The following RGS6 variants were observed in gnomAD, a reference collection of about 807,000 sequenced individuals.
RGS6 encodes regulator of G protein signaling 6.
In RGS6, 30 loss-of-function variants were observed where a neutral mutation model predicts 78.5. The ratio of observed to expected loss-of-function variants is 0.38; its 90% confidence interval spans 0.29 to 0.52. The LOEUF (loss-of-function observed/expected upper bound fraction) is 0.52. Ranked by LOEUF, RGS6 falls within the 20% of genes least tolerant of loss-of-function variation. The probability of loss-of-function intolerance (pLI) is 0.85; values close to 1 mark genes in which losing one functional copy is unlikely to be tolerated. For missense variants in RGS6, 495 were observed against 609.7 expected, an observed-to-expected ratio of 0.81 and a Z score of 1.98; for synonymous variants, 206 against 206.0, an observed-to-expected ratio of 1.00 and a Z score of 0.00.
the RGS6 span, among the ~76,000 whole-genome samples, chr14:72,619,059 C>T: frequency 6.6e-6 from 1 of 152,194 alleles, no homozygotes; most frequent in Admixed American, 6.5e-5. Context: ...GAGGTGTTCT[C>T]CCAAAGTGCA....
intron 2 of RGS6, among the ~76,000 whole-genome samples, chr14:72,283,998 G>A (rs1190212628): frequency 6.6e-6 from 1 of 152,216 alleles, no homozygotes; most frequent in African/African-American, 2.4e-5. Context: ...TTTTAGCAAA[G>A]AGACTGGTGG....
chr14:71,930,743 G>A (rs765383164), upstream of RGS6, among the ~76,000 whole-genome samples: 1 of 151,802 alleles, frequency 6.6e-6, no homozygotes, highest in Non-Finnish European at 1.5e-5. Context: ...AGCACTTTGG[G>A]TGGCCAAGGC....
chr14:72,299,469 A>G (rs750351722), intron 2 of RGS6, among the ~76,000 whole-genome samples: 2 of 152,246 alleles, frequency 1.3e-5, no homozygotes, highest in Non-Finnish European at 2.9e-5. Flanking sequence ...GTGAACACAC[A>G]TTTTTATTTC....
chr14:72,188,436 A>G (rs1318418971), intron 2 of RGS6, among the ~76,000 whole-genome samples: 3 of 152,068 alleles, frequency 2.0e-5, no homozygotes, highest in Non-Finnish European at 4.4e-5. Context: ...CCTAAAATGC[A>G]TGGTGCCTTA....
chr14:71,880,779 G>A, the RGS6 span, among the ~76,000 whole-genome samples: 1 of 152,232 alleles, frequency 6.6e-6, no homozygotes, highest in Non-Finnish European at 1.5e-5. Flanking sequence ...TGTGTGGAAG[G>A]GAAATGTGGG....
At chr14:72,419,330 C>T (rs538875594) in intron 3 of RGS6, among the ~76,000 whole-genome samples, 1 of 152,344 alleles carries the variant, frequency 6.6e-6, no homozygotes, top group Middle Eastern at 3.4e-3. Context: ...CTGTCATTAT[C>T]TTCACTGCAT....
chr14:72,485,581 G>C (rs1314414122), intron 12 of RGS6, among the ~76,000 whole-genome samples: 1 of 152,136 alleles, frequency 6.6e-6, no homozygotes, highest in Non-Finnish European at 1.5e-5. Flanking sequence ...TTCTACAAAG[G>C]GCTGCCTTGA....
chr14:72,117,648 G>A (rs1293065372), intron 2 of RGS6, among the ~76,000 whole-genome samples: 1 of 152,176 alleles, frequency 6.6e-6, no homozygotes, highest in Non-Finnish European at 1.5e-5. Context: ...GGTAGGGAAG[G>A]ACAGCCACAA....
intron 2 of RGS6, among the ~76,000 whole-genome samples, chr14:72,166,784 T>C (rs189972737): frequency 7.2e-5 from 11 of 152,310 alleles, no homozygotes; most frequent in African/African-American, 2.6e-4. Context: ...TGGAGGGTAA[T>C]GATCAATCGC....
chr14:72,378,657 T>A (rs898457261), intron 3 of RGS6, among the ~76,000 whole-genome samples: 3 of 152,034 alleles, frequency 2.0e-5, no homozygotes, highest in Non-Finnish European at 2.9e-5. Flanking sequence ...ATAGAAAACC[T>A]GAATAGGTCA....
chr14:72,527,085 G>A (rs1358679313), intron 15 of RGS6, among the ~76,000 whole-genome samples: 1 of 152,240 alleles, frequency 6.6e-6, no homozygotes, highest in Non-Finnish European at 1.5e-5. Context: ...CTCCCTTCAA[G>A]TATAGATGGC....
chr14:72,582,462 G>C, the RGS6 span, among the ~76,000 whole-genome samples: 94 of 152,326 alleles, frequency 6.2e-4, no homozygotes, highest in African/African-American at 2.1e-3. Flanking sequence ...AAATTACCCA[G>C]TGGGGCAATA....
chr14:72,370,012 T>G (rs983409204), intron 3 of RGS6, among the ~76,000 whole-genome samples: 1 of 152,164 alleles, frequency 6.6e-6, no homozygotes, highest in African/African-American at 2.4e-5. Context: ...TTAAATATCC[T>G]CAACAGAAGC....
At chr14:72,503,573 AGAGAGAG>A (rs1405059326) in intron 13 of RGS6, among the ~76,000 whole-genome samples, 1 of 95,452 alleles carries the variant, frequency 1.0e-5, no homozygotes, top group Middle Eastern at 4.2e-3. Context: ...TCATTCAAAA[AGAGAGAG>A]AGAGAGAGAG....
At chr14:72,420,706 A>G (rs1357650054) in intron 3 of RGS6, among the ~76,000 whole-genome samples, 1 of 152,172 alleles carries the variant, frequency 6.6e-6, no homozygotes, top group East Asian at 1.9e-4. Context: ...AGCTGCTACC[A>G]AGGTATCCCT....
chr14:72,308,780 A>G lies in RGS6; in HGVS notation c.85-43315A>G, dbSNP rs571189700. ...CTAGCCAAAAGGGGGTGCAATATTT[A>G]CCTTTAAATTATTATAGAGAGAATG... On this transcript the variant is annotated intron_variant, in intron 2 of 17. Coordinates refer to ENST00000553525, the MANE Select transcript of RGS6 (RefSeq NM_001204424.2). Among the ~76,000 whole-genome samples the G allele has an allele frequency of 7.9e-5, 12 of 152,310 alleles. No individual in the cohort carries two copies. In the East Asian group the frequency reaches 2.3e-3, roughly 29 times the overall value.
At chr14:71,927,483 C>G (rs2087731369), upstream of RGS6, among the ~76,000 whole-genome samples, 1 of 152,080 alleles carries the variant, frequency 6.6e-6, no homozygotes, top group Admixed American at 6.5e-5. Flanking sequence ...GCTTGCCATA[C>G]TGTCTCCTTG....
rs10638767 is a variant in RGS6 at position 72,184,369 on chromosome 14, A to AACACACACACACACACACAC, written c.85-167702_85-167683dup. On this transcript the variant is annotated intron_variant, in intron 2 of 17. Coordinates refer to ENST00000553525, the MANE Select transcript of RGS6 (RefSeq NM_001204424.2). The stretch of plus-strand genomic sequence containing the variant: ...ATATAACAGAAGTATTTTACTTTCA[A>AACACACACACACACACACAC]ACACACACACACACACACACACACA... Among the ~76,000 whole-genome samples the AACACACACACACACACACAC allele has an allele frequency of 7.6e-4, 107 of 141,372 alleles. 2 individuals are homozygous for AACACACACACACACACACAC. Among genetic ancestry groups the AACACACACACACACACACAC allele is most frequent in the African/African-American group, 2.2e-3 (84 of 37,394 alleles). The allele number at this position is 141,372 out of a possible 152,430, so 92.7% of individuals were successfully genotyped here.
At chr14:71,947,663 T>C (rs1019918372) in intron 1 of RGS6, among the ~76,000 whole-genome samples, 5 of 152,218 alleles carry the variant, frequency 3.3e-5, no homozygotes, top group African/African-American at 1.2e-4. Flanking sequence ...TTTGTGTTTA[T>C]TGTAGAGACA....
Sources: allele counts gnomAD v4.1 joint callset (sites outside exome capture counted in the v4.1 genomes callset), GRCh38; gene constraint gnomAD v4.1.1; transcripts MANE v1.5; gene names NCBI Gene and HGNC (gene_info 2026-07-23, HGNC 2026-07-21).